AMBRA1: variants seen among roughly 807,000 people sequenced by gnomAD.
AMBRA1 encodes the protein activating molecule in BECN1-regulated autophagy protein 1.
AMBRA1 carries 47 observed loss-of-function variants against 125.4 expected under a neutral mutation model. The ratio of observed to expected loss-of-function variants is 0.37; its 90% confidence interval spans 0.30 to 0.48. AMBRA1 has a LOEUF of 0.48. Ranked by LOEUF, AMBRA1 falls within the 20% of genes least tolerant of loss-of-function variation. The pLI, the probability that AMBRA1 is intolerant of heterozygous loss-of-function variation, is 0.99. For synonymous variants in AMBRA1, 626 were observed against 655.5 expected (o/e 0.95, Z 0.69); for missense variants, 1,331 against 1,693.4 (o/e 0.79, Z 3.76).
chr11:46,506,666 A>G (rs1168400189), intron 9 of AMBRA1, among the ~76,000 whole-genome samples: 1 of 152,206 alleles, frequency 6.6e-6, no homozygotes, highest in Non-Finnish European at 1.5e-5. Context: ...ATGCCAGTGA[A>G]GAAGGAGGAA....
chr11:46,551,432 C>A (rs1293941073), intron 1 of AMBRA1, among the ~76,000 whole-genome samples: 1 of 152,100 alleles, frequency 6.6e-6, no homozygotes, highest in African/African-American at 2.4e-5. Context: ...CCTGCCTCAG[C>A]CTCCAGAGTA....
intron 11 of AMBRA1, among the ~76,000 whole-genome samples, chr11:46,477,211 TAGA>T (rs1354065340): frequency 7.2e-5 from 11 of 151,738 alleles, no homozygotes; most frequent in Non-Finnish European, 1.0e-4. Flanking sequence ...AAAGGCAGAA[TAGA>T]AGGACACTAG....
intron 15 of AMBRA1, among the ~76,000 whole-genome samples, chr11:46,410,792 A>G (rs1194778696): frequency 6.6e-6 from 1 of 152,222 alleles, no homozygotes; most frequent in Non-Finnish European, 1.5e-5. Context: ...CCCAATGGGC[A>G]TGCCTAGTCT....
chr11:46,473,807 C>T (rs1401351788), intron 11 of AMBRA1, among the ~76,000 whole-genome samples: 3 of 152,186 alleles, frequency 2.0e-5, no homozygotes, highest in Non-Finnish European at 4.4e-5. Context: ...CCCACCACCA[C>T]GCCCGGCTAA....
chr11:46,434,792 G>T lies in AMBRA1; in HGVS notation c.2821+57C>A. The T allele has an allele frequency of 2.6e-6, 4 of 1,512,550 alleles. No individual in the cohort carries two copies. The South Asian group carries it at 5.3e-5, about 20-fold the overall frequency. 93.7% of individuals were successfully genotyped at this position (1,512,550 alleles called of 1,614,324 possible). A position where few individuals can be genotyped will look rare whatever the true frequency, so the allele number is the denominator to read the frequency against. On this transcript the variant is annotated intron_variant, in intron 13 of 17. Transcript: ENST00000683756. ...CCCAAGCTGTGCCTCACCTAGCAAT[G>T]ACCATGCCAAGGCACCAGCGTCCCT...
intron 1 of AMBRA1, among the ~76,000 whole-genome samples, chr11:46,559,597 C>A (rs1386969465): frequency 6.6e-6 from 1 of 152,148 alleles, no homozygotes; most frequent in Non-Finnish European, 1.5e-5. Context: ...GATATTACAC[C>A]TTTCGAGCTT....
At chr11:46,583,668 A>AC (rs1565324546) in intron 1 of AMBRA1, among the ~76,000 whole-genome samples, 1 of 146,036 alleles carries the variant, frequency 6.8e-6, no homozygotes, top group Non-Finnish European at 1.5e-5. Flanking sequence ...AAAAAAAAAA[A>AC]AAAAAAAAAA....
chr11:46,564,060 C>T (rs2043430379), intron 1 of AMBRA1, among the ~76,000 whole-genome samples: 1 of 149,628 alleles, frequency 6.7e-6, no homozygotes, highest in African/African-American at 2.5e-5. Flanking sequence ...AGGAGAATCG[C>T]TTCAACCCAG....
chr11:46,583,166 G>C (rs2044237050), intron 1 of AMBRA1, among the ~76,000 whole-genome samples: 1 of 152,074 alleles, frequency 6.6e-6, no homozygotes, highest in Admixed American at 6.6e-5. Flanking sequence ...TTGATCAATG[G>C]AACAGAACAG....
chr11:46,463,388 T>C (rs79893165), intron 11 of AMBRA1, among the ~76,000 whole-genome samples: 1 of 152,316 alleles, frequency 6.6e-6, no homozygotes, highest in East Asian at 1.9e-4. Flanking sequence ...ATATAAAATA[T>C]ATAGATGCTC....
At chr11:46,592,103 G>A (rs1177839491) in intron 1 of AMBRA1, among the ~76,000 whole-genome samples, 1 of 151,524 alleles carries the variant, frequency 6.6e-6, no homozygotes, top group Non-Finnish European at 1.5e-5. Flanking sequence ...GCGCCACCAC[G>A]CCCGGCTAAT....
At chr11:46,424,316 G>A (rs1947009235) in intron 14 of AMBRA1, among the ~76,000 whole-genome samples, 4 of 151,878 alleles carry the variant, frequency 2.6e-5, no homozygotes, top group Admixed American at 2.0e-4. Context: ...TGCCTTCAAG[G>A]CATTTCTAGG....
intron 7 of AMBRA1, among the ~76,000 whole-genome samples, chr11:46,527,055 C>T (rs899427154): frequency 1.3e-5 from 2 of 152,220 alleles, no homozygotes; most frequent in Admixed American, 6.5e-5. Context: ...TTTAGAAAGA[C>T]TTGCACTCTC....
chr11:46,466,556 G>A (rs1342322735), intron 11 of AMBRA1, among the ~76,000 whole-genome samples: 1 of 152,122 alleles, frequency 6.6e-6, no homozygotes, highest in African/African-American at 2.4e-5. Context: ...GGGGTCAAGA[G>A]CTAATACCAG....
In AMBRA1 at chr11:46,398,256, C is replaced by CTCT. The variant is rs1277118354; in HGVS notation, c.3404-314_3404-313insAGA. Among the ~76,000 whole-genome samples, 3 of 152,198 alleles carry CTCT rather than the reference C, an allele frequency of 2.0e-5. No individual in the cohort carries two copies. In the East Asian group the frequency reaches 5.8e-4, roughly 29 times the overall value. On this transcript the variant is annotated intron_variant, in intron 17 of 17. Coordinates refer to ENST00000683756, the MANE Select transcript of AMBRA1 (RefSeq NM_001387011.1). ...TCAGCACCAGTGGCAGCTTAGCATGCGAGAAGGCAGGTTCAGACAGCTGGT... is the reference window on the plus strand; with the variant it reads ...TCAGCACCAGTGGCAGCTTAGCATGCTCTGAGAAGGCAGGTTCAGACAGCTGGT...
At chr11:46,546,623 C>CA (rs199573787) in intron 4 of AMBRA1, among the ~76,000 whole-genome samples, 8,245 of 114,066 alleles carry the variant, frequency 0.072, 569 homozygotes, top group African/African-American at 0.2. Context: ...TAAGCTATTG[C>CA]AAAAAAAAAA....
intron 1 of AMBRA1, among the ~76,000 whole-genome samples, chr11:46,564,144 C>CAA (rs563596004): frequency 2.9e-4 from 11 of 38,066 alleles, no homozygotes; most frequent in East Asian, 6.7e-4. Flanking sequence ...AACTCCGTCT[C>CAA]AAAAAAAAAA....
At chr11:46,498,753 A>C (rs1950728819) in intron 9 of AMBRA1, among the ~76,000 whole-genome samples, 1 of 152,210 alleles carries the variant, frequency 6.6e-6, no homozygotes, top group Non-Finnish European at 1.5e-5. Flanking sequence ...GGGCCTTTAT[A>C]AATGAAGCTC....
In AMBRA1 at chr11:46,442,912, G is replaced by A. The variant is rs144132836; in HGVS notation, c.2632+576C>T. ...AGTTTTTGTATTTTTAGTAGAGACA[G>A]GGTTTTACCATGTTGGCCAGGCTGG... On this transcript the variant is annotated intron_variant, in intron 12 of 17. Coordinates refer to ENST00000683756, the MANE Select transcript of AMBRA1 (RefSeq NM_001387011.1). Among the ~76,000 whole-genome samples, 1,107 of 151,790 alleles carry A rather than the reference G, an allele frequency of 7.3e-3. 22 individuals are homozygous for A. Among genetic ancestry groups the A allele is most frequent in the African/African-American group, 0.026 (1,073 of 41,388 alleles).
Sources: allele counts gnomAD v4.1 joint callset (sites outside exome capture counted in the v4.1 genomes callset), GRCh38; gene constraint gnomAD v4.1.1; transcripts MANE v1.5; gene names NCBI Gene and HGNC (gene_info 2026-07-23, HGNC 2026-07-21).